Variants in OR5H1 observed in about 807,000 individuals in gnomAD.
The protein encoded by OR5H1 is olfactory receptor 5H1.
For missense variants in OR5H1, 378 were observed against 366.8 expected (o/e 1.03, Z -0.25); for synonymous variants, 124 against 134.4 (o/e 0.92, Z 0.54).
chr3:98,131,140 A>G (rs1381018459), intron 1 of OR5H1, among the ~76,000 whole-genome samples: 1 of 152,106 alleles, frequency 6.6e-6, no homozygotes, highest in Admixed American at 6.6e-5. Flanking sequence ...AAAGATTCAG[A>G]TAATAATGAT....
chr3:98,137,053 A>T lies in OR5H1; in HGVS notation c.*3414A>T, dbSNP rs1559805109. On this transcript the variant is annotated 3_prime_UTR_variant, in exon 2 of 2. Coordinates refer to ENST00000641874, the MANE Select transcript of OR5H1 (RefSeq NM_001005338.2). ...TCCAGTCATATCTAATTTTATGCAC[A>T]TTCTCCAATGTGACATTCCAGTCAC... 6.6e-6 allele frequency: 1 copy of T among 152,188 alleles called. No individual in the cohort carries two copies. The highest frequency in any genetic ancestry group is 1.5e-5 in the Non-Finnish European group (1 of 68,028). 9.4% of individuals were successfully genotyped at this position (152,188 alleles called of 1,614,324 possible).
At position 98,132,826 on chromosome 3, in the gene OR5H1, T is replaced by C. The variant is rs1297490986; in HGVS notation, c.129T>C (p.Leu43=). 6.2e-7 allele frequency: 1 copy of C among 1,613,596 alleles called. No homozygotes were observed. The highest frequency in any genetic ancestry group is 8.5e-7 in the Non-Finnish European group (1 of 1,179,612). ...VIYLITIMGN[L]GLIAVIWKDP... The stretch of plus-strand genomic sequence containing the variant: ...ATCTCATCACCATCATGGGGAATCT[T>C]GGTCTGATTGCTGTCATCTGGAAAG... Residue 43 remains leucine (L), a synonymous_variant, in exon 2 of 2, where the codon CTT becomes CTC. Coordinates refer to ENST00000641874, the MANE Select transcript of OR5H1 (RefSeq NM_001005338.2).
rs1450516080 is a variant in OR5H1, at chr3:98,133,949, G to A, written c.*310G>A. The A allele has an allele frequency of 3.8e-6, 1 of 261,308 alleles. No individual in the cohort carries two copies. Among genetic ancestry groups the A allele is most frequent in the Non-Finnish European group, 7.4e-6 (1 of 135,436 alleles). 16.2% of individuals were successfully genotyped at this position (261,308 alleles called of 1,614,324 possible). A position where few individuals can be genotyped will look rare whatever the true frequency, so the allele number is the denominator to read the frequency against. ...AAAATAGCCTAGTTTATCATATAAG[G>A]ACTTGAGTATGATGGTTTTGATACT... On this transcript the variant is annotated 3_prime_UTR_variant, in exon 2 of 2. Coordinates refer to ENST00000641874, the MANE Select transcript of OR5H1 (RefSeq NM_001005338.2).
rs948860755 is a variant in OR5H1, at chr3:98,134,283, A to T, written c.*644A>T. On this transcript the variant is annotated 3_prime_UTR_variant, in exon 2 of 2. Coordinates refer to ENST00000641874, the MANE Select transcript of OR5H1 (RefSeq NM_001005338.2). ...GGCAAGCTGCCTCTCACTTTCTAGGATGGCTTCTAAGGCCCTTCCCAGCTA... is the reference window on the plus strand; with the variant it reads ...GGCAAGCTGCCTCTCACTTTCTAGGTTGGCTTCTAAGGCCCTTCCCAGCTA... 6.6e-6 allele frequency: 1 copy of T among 152,152 alleles called. No individual in the cohort carries two copies. The highest frequency in any genetic ancestry group is 1.5e-5 in the Non-Finnish European group (1 of 68,058). The allele number at this position is 152,152 out of a possible 1,614,324, so 9.4% of individuals were successfully genotyped here.
Position 98,132,904 on chromosome 3 carries a change from G to T in OR5H1, c.207G>T (p.Val69=). The T allele has an allele frequency of 6.2e-7, 1 of 1,612,336 alleles. No homozygotes were observed. Residue 69 remains valine, a synonymous_variant, in exon 2 of 2, where the codon GTG becomes GTT. Transcript: ENST00000641874. ...MYLLLGNLAF[V]DAWISSTVTP... is the part of the protein sequence containing the mutation. ...TACTCCTTGGGAATTTAGCTTTTGT[G>T]GATGCTTGGATATCATCCACAGTGA...
At chr3:98,132,002 A>G (rs1708263000) in intron 1 of OR5H1, among the ~76,000 whole-genome samples, 1 of 152,042 alleles carries the variant, frequency 6.6e-6, no homozygotes, top group African/African-American at 2.4e-5. Flanking sequence ...TACATTTAAC[A>G]TGCATTTGAA....
Position 98,133,181 on chromosome 3 carries a change from T to C in OR5H1, c.484T>C (p.Phe162Leu), listed in dbSNP as rs373511293. 2 of 1,612,942 alleles carry C rather than the reference T, an allele frequency of 1.2e-6. No homozygotes were observed. Among genetic ancestry groups the C allele is most frequent in the Non-Finnish European group, 1.7e-6 (2 of 1,179,574 alleles). ...GILHALIHEG[F>L]LFRLTFCNSN... The stretch of plus-strand genomic sequence containing the variant: ...TCTTCATGCTTTAATCCATGAAGGA[T>C]TTTTATTCAGACTAACCTTCTGTAA... The change falls in exon 2 of 2, where the codon TTT (phenylalanine) becomes CTT (leucine). Residue 162 changes from phenylalanine to leucine, a missense_variant. Physicochemically the swap from Phe to Leu is conservative, Grantham distance 22. Transcript: ENST00000641874.
Position 98,134,817 on chromosome 3 carries a change from T to C in OR5H1, c.*1178T>C, listed in dbSNP as rs928703663. 4 of 152,122 alleles carry C rather than the reference T, an allele frequency of 2.6e-5. No homozygotes were observed. The highest frequency in any genetic ancestry group is 9.7e-5 in the African/African-American group (4 of 41,436). 9.4% of individuals were successfully genotyped at this position (152,122 alleles called of 1,614,324 possible). ...ACATGTAGTTTTGCAAACCTCTAGTTACTTATTTCCTCCATCCTTCTAACA... is the reference window on the plus strand; with the variant it reads ...ACATGTAGTTTTGCAAACCTCTAGTCACTTATTTCCTCCATCCTTCTAACA... On this transcript the variant is annotated 3_prime_UTR_variant, in exon 2 of 2. Transcript: ENST00000641874.
rs1708280133 is a variant in OR5H1 at position 98,133,283 on chromosome 3, T to A, written c.586T>A (p.Phe196Ile). ...KISCTDSSINFLMVFIFSGSI... is the reference protein window; with the variant it reads ...KISCTDSSINILMVFIFSGSI... Reference sequence around the variant, plus strand: ...TTCTTGTACTGATTCTTCTATTAATTTTCTAATGGTTTTTATTTTCTCAGG... The same window carrying A: ...TTCTTGTACTGATTCTTCTATTAATATTCTAATGGTTTTTATTTTCTCAGG... Residue 196 changes from phenylalanine to isoleucine, a missense_variant, in exon 2 of 2, where the codon TTT becomes ATT. Physicochemically the swap from Phe to Ile is conservative, Grantham distance 21. Transcript: ENST00000641874. The A allele has an allele frequency of 6.2e-7, 1 of 1,611,450 alleles. No individual in the cohort carries two copies.
At chr3:98,132,339 A>T (rs890856252) in intron 1 of OR5H1, among the ~76,000 whole-genome samples, 2 of 152,064 alleles carry the variant, frequency 1.3e-5, no homozygotes, top group African/African-American at 4.8e-5. Flanking sequence ...TATTTTATTT[A>T]TTTTTAATTC....
rs72926074 is a variant in OR5H1, at chr3:98,133,367, G to A, written c.670G>A (p.Ala224Thr). The A allele has an allele frequency of 4.6e-3, 7,448 of 1,612,706 alleles. 203 individuals carry two copies. In the African/African-American group the frequency reaches 0.065, roughly 14 times the overall value. Residue 224 changes from alanine (A) to threonine (T), a missense_variant, in exon 2 of 2, where the codon GCA becomes ACA. Physicochemically the swap from Ala to Thr is moderately conservative, Grantham distance 58. Transcript: ENST00000641874. ...ILVSYTFVLF[A>T]ILKKKSDKGV... ...TGTATCTTATACATTTGTTCTCTTCGCAATCTTAAAAAAGAAATCTGATAA... is the reference window on the plus strand; with the variant it reads ...TGTATCTTATACATTTGTTCTCTTCACAATCTTAAAAAAGAAATCTGATAA...
In OR5H1 at chr3:98,137,261, A is replaced by G. The variant is rs1292827845; in HGVS notation, c.*3622A>G. 2 of 152,220 alleles carry G rather than the reference A, an allele frequency of 1.3e-5. No homozygotes were observed. The highest frequency in any genetic ancestry group is 3.9e-4 in the East Asian group (2 of 5,190). The allele number at this position is 152,220 out of a possible 1,614,324, so 9.4% of individuals were successfully genotyped here. On this transcript the variant is annotated 3_prime_UTR_variant, in exon 2 of 2. Transcript: ENST00000641874. ...CTGTTTACAAAAGGTATACTTGGCC[A>G]GATTGTTTGCAAAGTTTCTTTAATT...
rs148711202 is a variant in OR5H1 at position 98,136,120 on chromosome 3, T to C, written c.*2481T>C. On this transcript the variant is annotated 3_prime_UTR_variant, in exon 2 of 2. Transcript: ENST00000641874. ...GACAATGGACAGAACTGGAATTTAA[T>C]TATGGGTGCGCTATATTTTTCTACT... 9.2e-5 allele frequency: 14 copies of C among 152,318 alleles called. No individual in the cohort carries two copies. Among genetic ancestry groups the C allele is most frequent in the African/African-American group, 3.4e-4 (14 of 41,592 alleles). The allele number at this position is 152,318 out of a possible 1,614,324, so 9.4% of individuals were successfully genotyped here.
chr3:98,136,435 C>T lies in OR5H1; in HGVS notation c.*2796C>T, dbSNP rs1206118443. 1 of 152,122 alleles carries T rather than the reference C, an allele frequency of 6.6e-6. No homozygotes were observed. Among genetic ancestry groups the T allele is most frequent in the Non-Finnish European group, 1.5e-5 (1 of 68,018 alleles). The allele number at this position is 152,122 out of a possible 1,614,324, so 9.4% of individuals were successfully genotyped here. ...ACATTTAGGTAAACTCCCCTGTACT[C>T]AAAAAGGTCCTAAAAGTATATTTCA... On this transcript the variant is annotated 3_prime_UTR_variant, in exon 2 of 2. Coordinates refer to ENST00000641874, the MANE Select transcript of OR5H1 (RefSeq NM_001005338.2).
intron 1 of OR5H1, among the ~76,000 whole-genome samples, chr3:98,131,984 C>T (rs1360579934): frequency 6.6e-6 from 1 of 151,960 alleles, no homozygotes; most frequent in Non-Finnish European, 1.5e-5. Context: ...CATATCACAC[C>T]AAGACCATAC....
chr3:98,131,227 T>A (rs1156762805), intron 1 of OR5H1, among the ~76,000 whole-genome samples: 1 of 152,038 alleles, frequency 6.6e-6, no homozygotes, highest in Non-Finnish European at 1.5e-5. Flanking sequence ...CAATTAAAAC[T>A]TTTAAGGTGA....
chr3:98,133,644 C>A lies in OR5H1; in HGVS notation c.*5C>A. 6.3e-7 allele frequency: 1 copy of A among 1,579,938 alleles called. No homozygotes were observed. The highest frequency in any genetic ancestry group is 2.2e-5 in the East Asian group (1 of 44,600). On this transcript the variant is annotated 3_prime_UTR_variant, in exon 2 of 2. Coordinates refer to ENST00000641874, the MANE Select transcript of OR5H1 (RefSeq NM_001005338.2). The stretch of plus-strand genomic sequence containing the variant: ...CATGTTAAGGTTTCATACTAATATC[C>A]TTTCTCTAATTACAAAAATAGTCAC...
Position 98,133,303 on chromosome 3 carries a change from C to A in OR5H1, c.606C>A (p.Phe202Leu), listed in dbSNP as rs549344883. The A allele has an allele frequency of 6.2e-7, 1 of 1,612,640 alleles. No individual in the cohort carries two copies. The highest frequency in any genetic ancestry group is 2.2e-5 in the East Asian group (1 of 44,784). ...SSINFLMVFIFSGSIQVFSIV... is the reference protein window; with the variant it reads ...SSINFLMVFILSGSIQVFSIV... ...TTAATTTTCTAATGGTTTTTATTTTCTCAGGTTCAATTCAGGTATTCAGCA... is the reference window on the plus strand; with the variant it reads ...TTAATTTTCTAATGGTTTTTATTTTATCAGGTTCAATTCAGGTATTCAGCA... Residue 202 changes from phenylalanine (F) to leucine (L), a missense_variant, in exon 2 of 2, where the codon TTC becomes TTA. Phe to Leu is a conservative substitution (Grantham distance 22). Coordinates refer to ENST00000641874, the MANE Select transcript of OR5H1 (RefSeq NM_001005338.2).
chr3:98,133,456 A>C lies in OR5H1; in HGVS notation c.759A>C (p.Gly253=), dbSNP rs113778704. Residue 253 remains glycine (G), a synonymous_variant, in exon 2 of 2, where the codon GGA becomes GGC. Coordinates refer to ENST00000641874, the MANE Select transcript of OR5H1 (RefSeq NM_001005338.2). ...AHLFSVSLYY[G]PLLFIYVGPA... is the part of the protein sequence containing the mutation. ...TCTTCTCTGTCTCTTTATACTATGG[A>C]CCCCTTCTCTTCATTTATGTGGGCC... 2.6e-5 allele frequency: 42 copies of C among 1,609,940 alleles called. No homozygotes were observed. Among genetic ancestry groups the C allele is most frequent in the Admixed American group, 6.7e-5 (4 of 59,920 alleles).
Sources: allele counts gnomAD v4.1 joint callset (sites outside exome capture counted in the v4.1 genomes callset), GRCh38; gene constraint gnomAD v4.1.1; transcripts MANE v1.5; gene names NCBI Gene and HGNC (gene_info 2026-07-23, HGNC 2026-07-21).